UBE3C: variants seen among roughly 807,000 people sequenced by gnomAD.
UBE3C encodes the protein ubiquitin protein ligase E3C.
In UBE3C, 42 loss-of-function variants were observed where a neutral mutation model predicts 129.4. The ratio of observed to expected loss-of-function variants is 0.32; its 90% CI spans 0.25 to 0.42. The LOEUF (loss-of-function observed/expected upper bound fraction) is 0.42. Among genes scored for constraint, UBE3C ranks in the 10% least tolerant of loss-of-function variants. The pLI is 1.00. For synonymous variants in UBE3C, 510 were observed against 492.4 expected (o/e 1.04, Z -0.47); for missense variants, 1,049 against 1,319.1 (o/e 0.80, Z 3.17).
At chr7:157,153,951 C>T (rs180690575) in intron 1 of UBE3C, among the ~76,000 whole-genome samples, 3 of 151,860 alleles carry the variant, frequency 2.0e-5, no homozygotes, top group African/African-American at 7.3e-5. Context: ...GAGCCAAGAC[C>T]GCGCCACTGC....
chr7:157,254,190 A>G, intron 20 of UBE3C, 48 bp downstream of exon 20: 1 of 1,608,442 alleles, frequency 6.2e-7, no homozygotes, highest in Non-Finnish European at 8.5e-7. Flanking sequence ...CAGGAAATGA[A>G]CAGGCTTTCT....
intron 13 of UBE3C, 60 bp downstream of exon 13, chr7:157,207,995 T>C (rs1809482317): frequency 8.3e-7 from 1 of 1,206,008 alleles, no homozygotes; most frequent in Non-Finnish European, 1.1e-6. Context: ...ACTTTTGTCT[T>C]GACTCGTTGC....
At chr7:157,204,411 AAAAAAAAT>A (rs1183453122) in intron 11 of UBE3C, among the ~76,000 whole-genome samples, 8 of 151,836 alleles carry the variant, frequency 5.3e-5, no homozygotes, top group African/African-American at 1.9e-4. Flanking sequence ...AAAAAAAAAA[AAAAAAAAT>A]TTCAGCTTCT....
At chr7:157,140,314 A>G (rs62491935) in intron 1 of UBE3C, among the ~76,000 whole-genome samples, 15,481 of 152,196 alleles carry the variant, frequency 0.1, 900 homozygotes, top group African/African-American at 0.14. Context: ...AACTGCTGTT[A>G]TTAAGATTGT....
At chr7:157,259,932 G>A (rs1796853624) in intron 22 of UBE3C, among the ~76,000 whole-genome samples, 1 of 152,160 alleles carries the variant, frequency 6.6e-6, no homozygotes, top group South Asian at 2.1e-4. Context: ...ACTGGAGTTG[G>A]GACCCAGTAG....
chr7:157,207,489 A>G lies in UBE3C; in HGVS notation c.1510A>G (p.Ser504Gly). ...SRIIPLFYLFSSLFSHSLISI... is the reference protein window; with the variant it reads ...SRIIPLFYLFGSLFSHSLISI... ...AATCATCCCACTCTTTTATCTTTTT[A>G]GCTCCTTGTTTAGTCATTCACTAAT... is the stretch of plus-strand genomic sequence containing the variant. The change falls in exon 12 of 23, where the codon AGC becomes GGC. Residue 504 changes from serine to glycine, a missense_variant. Coordinates refer to ENST00000348165, the MANE Select transcript of UBE3C (RefSeq NM_014671.3). 1 of 1,613,652 alleles carries G rather than the reference A, an allele frequency of 6.2e-7. No individual in the cohort carries two copies. Among genetic ancestry groups the G allele is most frequent in the Non-Finnish European group, 8.5e-7 (1 of 1,179,948 alleles).
intron 2 of UBE3C, among the ~76,000 whole-genome samples, chr7:157,167,600 C>T (rs1554423057): frequency 2.0e-5 from 3 of 151,656 alleles, no homozygotes; most frequent in Non-Finnish European, 2.9e-5. Context: ...TGCAGTGGCG[C>T]GATCTCGGCT....
intron 3 of UBE3C, 89 bp from the exon 4 acceptor site, chr7:157,170,215 C>T (rs554528984): frequency 4.2e-6 from 5 of 1,199,748 alleles, no homozygotes; most frequent in African/African-American, 3.1e-5. Flanking sequence ...TCCACCATTC[C>T]TGTAAACACA....
chr7:157,232,398 G>A (rs973153541), intron 18 of UBE3C, among the ~76,000 whole-genome samples: 1 of 152,148 alleles, frequency 6.6e-6, no homozygotes, highest in Non-Finnish European at 1.5e-5. Context: ...TTGCTCTGTT[G>A]CCCAGGCTGG....
intron 1 of UBE3C, among the ~76,000 whole-genome samples, chr7:157,150,719 A>G (rs1171668346): frequency 6.6e-6 from 1 of 152,268 alleles, no homozygotes; most frequent in Non-Finnish European, 1.5e-5. Flanking sequence ...GTAGATTACA[A>G]AACAGGATTG....
Position 157,148,304 on chromosome 7 carries a change from T to C in UBE3C, c.66+8966T>C, listed in dbSNP as rs893878568. ...TTTTAGTAGAGATGGGGTTTCGCCA[T>C]GTTGTCCATACTGGCCTTGAACTCC... On this transcript the variant is annotated intron_variant, in intron 1 of 22. Coordinates refer to ENST00000348165, the MANE Select transcript of UBE3C (RefSeq NM_014671.3). Among the ~76,000 whole-genome samples, 3 of 152,146 alleles carry C rather than the reference T, an allele frequency of 2.0e-5. No individual in the cohort carries two copies. The East Asian group carries it at 5.8e-4, about 29-fold the overall frequency.
rs1373325085 is a variant in UBE3C, at chr7:157,220,853, G to A, written c.2002+77G>A. ...ATTCACTCCTTTAATCTACAGATCT[G>A]TTATTTTTCATAAACTTATACAGCC... is the stretch of plus-strand genomic sequence containing the variant. On this transcript the variant is annotated intron_variant, in intron 15 of 22. Coordinates refer to ENST00000348165, the MANE Select transcript of UBE3C (RefSeq NM_014671.3). 13 of 1,490,644 alleles carry A rather than the reference G, an allele frequency of 8.7e-6. No homozygotes were observed. In the African/African-American group the frequency reaches 1.1e-4, roughly 13 times the overall value. 92.3% of individuals were successfully genotyped at this position (1,490,644 alleles called of 1,614,324 possible).
At chr7:157,212,380 C>G (rs1809619743) in intron 13 of UBE3C, among the ~76,000 whole-genome samples, 1 of 152,162 alleles carries the variant, frequency 6.6e-6, no homozygotes, top group Non-Finnish European at 1.5e-5. Flanking sequence ...ATCTAAATAT[C>G]CGTCATCTCC....
In UBE3C at chr7:157,231,258, G is replaced by T. The variant is rs561158052; in HGVS notation, c.2412G>T (p.Pro804=). Residue 804 remains proline, a synonymous_variant, in exon 18 of 23, where the codon CCG becomes CCT. Coordinates refer to ENST00000348165, the MANE Select transcript of UBE3C (RefSeq NM_014671.3). ...ATGAAGGGCTTCTGTACCCCAACCC[G>T]GCTGCTCAGATGCTTGTGGGAGATT... ...TTNEGLLYPN[P]AAQMLVGDSF... is the part of the protein sequence containing the mutation. The T allele has an allele frequency of 6.2e-7, 1 of 1,614,096 alleles. No homozygotes were observed. The highest frequency in any genetic ancestry group is 8.5e-7 in the Non-Finnish European group (1 of 1,180,032).
Position 157,269,271 on chromosome 7 carries a change from A to T in UBE3C, c.*1516A>T, listed in dbSNP as rs560859787. ...ATCTGAGACTGAAGAGAAATTGACA[A>T]TTCACTTATTTGTGGTTTTTTTCTC... On this transcript the variant is annotated 3_prime_UTR_variant, in exon 23 of 23. Transcript: ENST00000348165. The T allele has an allele frequency of 6.6e-6, 1 of 152,406 alleles. No homozygotes were observed. Among genetic ancestry groups the T allele is most frequent in the Non-Finnish European group, 1.5e-5 (1 of 68,030 alleles). 9.4% of individuals were successfully genotyped at this position (152,406 alleles called of 1,614,324 possible).
intron 21 of UBE3C, among the ~76,000 whole-genome samples, chr7:157,254,707 A>C (rs1229006589): frequency 6.6e-6 from 1 of 151,888 alleles, no homozygotes; most frequent in African/African-American, 2.4e-5. Context: ...CCTCAAAGTA[A>C]TTTTTATTGT....
chr7:157,233,209 T>C (rs947809575), intron 18 of UBE3C, among the ~76,000 whole-genome samples: 1 of 152,218 alleles, frequency 6.6e-6, no homozygotes, highest in African/African-American at 2.4e-5. Context: ...TTTTCAGGTT[T>C]CATTCATGTC....
Position 157,256,923 on chromosome 7 carries a change from C to T in UBE3C, c.2960C>T (p.Ser987Phe). Residue 987 changes from serine (S) to phenylalanine (F), a missense_variant, in exon 22 of 23, where the codon TCT (serine) becomes TTT (phenylalanine). Physicochemically the swap from Ser to Phe is radical, Grantham distance 155. This residue lies in a region of UBE3C where 243 missense variants were observed against 368.7 expected (regional missense o/e 0.66). Transcript: ENST00000348165. ...KSFTNYSGGY[S>F]ADHPVIKVFW... ...GTTCATTTTGCCATAGGAGGCTATT[C>T]TGCAGACCATCCTGTTATTAAGGTC... is the stretch of plus-strand genomic sequence containing the variant. 1 of 1,614,098 alleles carries T rather than the reference C, an allele frequency of 6.2e-7. No individual in the cohort carries two copies. The highest frequency in any genetic ancestry group is 2.2e-5 in the East Asian group (1 of 44,876).
chr7:157,202,268 A>C (rs565438686), intron 11 of UBE3C, among the ~76,000 whole-genome samples: 1 of 152,350 alleles, frequency 6.6e-6, no homozygotes, highest in South Asian at 2.1e-4. Flanking sequence ...AACATATTTT[A>C]ACTGAGTATG....
Sources: allele counts gnomAD v4.1 joint callset (sites outside exome capture counted in the v4.1 genomes callset), GRCh38; gene constraint gnomAD v4.1.1; regional missense constraint gnomAD v4.1.1; transcripts MANE v1.5; gene names NCBI Gene and HGNC (gene_info 2026-07-23, HGNC 2026-07-21).